Variants in SRD5A3 observed in about 807,000 individuals in gnomAD.
SRD5A3 encodes polyprenal reductase.
In SRD5A3, 24 loss-of-function variants were observed where a neutral mutation model predicts 34.3. That is an observed-to-expected ratio of 0.70 (90% CI 0.51 to 0.99). The LOEUF is 0.99. Among genes scored for constraint, SRD5A3 ranks in the 50% least tolerant of loss-of-function variants. The pLI is 0.00. For missense variants in SRD5A3, 350 were observed against 388.2 expected, an observed-to-expected ratio of 0.90 and a Z score of 0.83; for synonymous variants, 161 against 167.3, an observed-to-expected ratio of 0.96 and a Z score of 0.29.
At chr4:55,355,921 T>A in intron 1 of SRD5A3, among the ~76,000 whole-genome samples, 1 of 151,922 alleles carries the variant, frequency 6.6e-6, no homozygotes, top group Non-Finnish European at 1.5e-5. Context: ...AACTAGACTG[T>A]TCTCTACCTC....
chr4:55,360,564 GA>G (rs113125537), intron 2 of SRD5A3, among the ~76,000 whole-genome samples: 1,898 of 152,006 alleles, frequency 0.012, 38 homozygotes, highest in African/African-American at 0.044. Flanking sequence ...GATAAACATG[GA>G]AAAAAAGTTA....
chr4:55,364,664 C>T (rs955085581), intron 3 of SRD5A3: 10 of 266,530 alleles, frequency 3.8e-5, no homozygotes, highest in East Asian at 9.3e-5. Context: ...TGCAGTGAGC[C>T]GAGATCGCGC....
At position 55,367,612 on chromosome 4, in the gene SRD5A3, T is replaced by C. The variant is rs748318507; in HGVS notation, c.587T>C (p.Leu196Ser). 1 of 1,614,178 alleles carries C rather than the reference T, an allele frequency of 6.2e-7. No homozygotes were observed. The highest frequency in any genetic ancestry group is 1.3e-5 in the African/African-American group (1 of 75,060). Reference protein sequence around the residue: ...RNAYITGKNLLMQARWFHILG... With the variant: ...RNAYITGKNLSMQARWFHILG... ...GCCTACATAACAGGGAAAAATCTAT[T>C]GATGCAAGCACGGTGGTTCCATATT... Residue 196 changes from leucine (L) to serine (S), a missense_variant, in exon 4 of 5, where the codon TTG becomes TCG. Physicochemically the swap from Leu to Ser is moderately radical, Grantham distance 145. Around this residue, in one of 3 missense-constraint regions of SRD5A3, gnomAD observed 186 missense variants for 221.4 expected, o/e 0.84. Coordinates refer to ENST00000264228, the MANE Select transcript of SRD5A3 (RefSeq NM_024592.5).
intron 1 of SRD5A3, among the ~76,000 whole-genome samples, chr4:55,353,768 C>T (rs1408493778): frequency 6.6e-6 from 1 of 152,148 alleles, no homozygotes; most frequent in Non-Finnish European, 1.5e-5. Context: ...GGCTTCACTC[C>T]TGAAGTCAAG....
intron 1 of SRD5A3, chr4:55,359,097 T>G: frequency 2.1e-6 from 1 of 486,302 alleles, no homozygotes; most frequent in South Asian, 2.1e-5. Flanking sequence ...ATTCTAAGTT[T>G]AACACAGTTG....
rs573663705 is a variant in SRD5A3, at chr4:55,372,517, A to G, written c.*2426A>G. On this transcript the variant is annotated 3_prime_UTR_variant, in exon 5 of 5. Transcript: ENST00000264228. Reference sequence around the variant, plus strand: ...GAACAACGTAGCATGGCCTTTGGTGAAAGCGTCACCGATGGGAAATAATTG... The same window carrying G: ...GAACAACGTAGCATGGCCTTTGGTGGAAGCGTCACCGATGGGAAATAATTG... The G allele has an allele frequency of 6.6e-6, 1 of 152,194 alleles. No homozygotes were observed. The allele number at this position is 152,194 out of a possible 1,614,324, so 9.4% of individuals were successfully genotyped here. A position where few individuals can be genotyped will look rare whatever the true frequency, so the allele number is the denominator to read the frequency against.
chr4:55,355,999 C>CTTTTTTTTT (rs1578204604), intron 1 of SRD5A3, among the ~76,000 whole-genome samples: 7 of 65,898 alleles, frequency 1.1e-4, no homozygotes, highest in Non-Finnish European at 2.0e-4. Context: ...CTTTTGCCTC[C>CTTTTTTTTT]ATTTTTTTTT....
intron 1 of SRD5A3, among the ~76,000 whole-genome samples, chr4:55,355,578 C>T (rs1719424221): frequency 6.6e-6 from 1 of 152,094 alleles, no homozygotes; most frequent in Admixed American, 6.6e-5. Context: ...AAGTAGAGCG[C>T]AGCACGGTGT....
At chr4:55,358,168 AAT>A in intron 1 of SRD5A3, among the ~76,000 whole-genome samples, 6 of 152,198 alleles carry the variant, frequency 3.9e-5, no homozygotes, top group African/African-American at 1.4e-4. Context: ...CCAGGCACTC[AAT>A]AGAGTCAGAA....
At position 55,346,632 on chromosome 4, in the gene SRD5A3, A is replaced by G. The variant is rs909971499; in HGVS notation, c.221+75A>G. The G allele has an allele frequency of 3.7e-6, 5 of 1,344,334 alleles. No individual in the cohort carries two copies. The African/African-American group carries it at 7.7e-5, about 21-fold the overall frequency. 83.3% of individuals were successfully genotyped at this position (1,344,334 alleles called of 1,614,324 possible). On this transcript the variant is annotated intron_variant, in intron 1 of 4. Coordinates refer to ENST00000264228, the MANE Select transcript of SRD5A3 (RefSeq NM_024592.5). ...GGGGCGCCCCGGCTCGCGGGCAGCC[A>G]GCAGGGGGCAGCAGAGGCGGGACCC...
Position 55,359,431 on chromosome 4 carries a change from C to T in SRD5A3, c.307C>T (p.Pro103Ser), listed in dbSNP as rs767876488. 1.4e-5 allele frequency: 23 copies of T among 1,613,806 alleles called. No individual in the cohort carries two copies. In the South Asian group the frequency reaches 2.4e-4, roughly 17 times the overall value. Residue 103 changes from proline to serine, a missense_variant, in exon 2 of 5, where the codon CCT becomes TCT. Physicochemically the swap from Pro to Ser is moderately conservative, Grantham distance 74 (BLOSUM62 -1). This residue lies in a region of SRD5A3 where 159 missense variants were observed against 149.1 expected (regional missense o/e 1.07). Transcript: ENST00000264228. The stretch of plus-strand genomic sequence containing the variant: ...TACTCAATCTCTGTTCCTGGGAGCA[C>T]CTTTTCCAAGCTGGCTTCATGGTTT... The part of the protein sequence containing the change: ...CLTQSLFLGA[P>S]FPSWLHGLLR...
chr4:55,363,751 CT>C (rs1414753873), intron 2 of SRD5A3, among the ~76,000 whole-genome samples: 1 of 152,192 alleles, frequency 6.6e-6, no homozygotes, highest in East Asian at 1.9e-4. Flanking sequence ...CAGTTTGCAT[CT>C]GGCTGTTAGT....
chr4:55,354,342 C>T (rs977263455), intron 1 of SRD5A3, among the ~76,000 whole-genome samples: 2 of 152,158 alleles, frequency 1.3e-5, no homozygotes, highest in African/African-American at 2.4e-5. Flanking sequence ...AGGTGATCTG[C>T]CCTCAGCCTT....
chr4:55,353,514 C>T (rs1392223368), intron 1 of SRD5A3, among the ~76,000 whole-genome samples: 3 of 152,178 alleles, frequency 2.0e-5, no homozygotes, highest in Non-Finnish European at 4.4e-5. Context: ...GCCACCCGAG[C>T]CAGCAGCGCC....
intron 1 of SRD5A3, among the ~76,000 whole-genome samples, chr4:55,358,542 A>AG (rs1719558518): frequency 1.6e-5 from 2 of 127,524 alleles, no homozygotes; most frequent in African/African-American, 5.6e-5. Context: ...TCTCAAAAAA[A>AG]AAAAAAAAAA....
intron 1 of SRD5A3, among the ~76,000 whole-genome samples, chr4:55,351,115 C>T (rs1406138548): frequency 6.6e-6 from 1 of 150,730 alleles, no homozygotes; most frequent in African/African-American, 2.4e-5. Context: ...TCTTGTTGCC[C>T]AGGCCAGAGT....
chr4:55,356,642 T>G (rs1719471959), intron 1 of SRD5A3, among the ~76,000 whole-genome samples: 1 of 152,010 alleles, frequency 6.6e-6, no homozygotes, highest in Non-Finnish European at 1.5e-5. Flanking sequence ...TTTTATTTCT[T>G]TTCTTTTCTT....
chr4:55,348,767 G>A (rs1719084546), intron 1 of SRD5A3, among the ~76,000 whole-genome samples: 1 of 152,144 alleles, frequency 6.6e-6, no homozygotes, highest in South Asian at 2.1e-4. Flanking sequence ...GATAGCAGTT[G>A]TGCAGTGATG....
At position 55,370,689 on chromosome 4, in the gene SRD5A3, G is replaced by C. The variant is rs1334958445; in HGVS notation, c.*598G>C. ...GGCCCAAGAGTTCGAGACCAGCCTG[G>C]GCAACATGGTGAAACCCTATCTCCG... On this transcript the variant is annotated 3_prime_UTR_variant, in exon 5 of 5. Transcript: ENST00000264228. 6.5e-6 allele frequency: 1 copy of C among 154,522 alleles called. No homozygotes were observed. The highest frequency in any genetic ancestry group is 1.4e-5 in the Non-Finnish European group (1 of 69,714). 9.6% of individuals were successfully genotyped at this position (154,522 alleles called of 1,614,324 possible).
Sources: gnomAD v4.1 joint callset for allele counts (sites outside exome capture counted in the v4.1 genomes callset) on GRCh38, gnomAD v4.1.1 for gene constraint, gnomAD v4.1.1 regional missense constraint, MANE v1.5 for transcripts, NCBI Gene and HGNC (gene_info 2026-07-23, HGNC 2026-07-21) for gene names.